TMC7: variants seen among roughly 807,000 people sequenced by gnomAD.
TMC7 encodes transmembrane channel like 7.
In TMC7, 54 loss-of-function variants were observed where a neutral mutation model predicts 82.9. The ratio of observed to expected loss-of-function variants is 0.65; its 90% confidence interval spans 0.52 to 0.82. The LOEUF (loss-of-function observed/expected upper bound fraction) is 0.82. TMC7 is among the 40% of genes least tolerant of loss of function. The pLI, the probability that TMC7 is intolerant of heterozygous loss-of-function variation, is 0.00. For synonymous variants in TMC7, 350 were observed against 337.9 expected, an observed-to-expected ratio of 1.04 and a Z score of -0.39; for missense variants, 820 against 901.2, an observed-to-expected ratio of 0.91 and a Z score of 1.15.
intron 6 of TMC7, among the ~76,000 whole-genome samples, chr16:19,035,325 G>A (rs4606701): frequency 0.024 from 3,678 of 152,244 alleles, 153 homozygotes; most frequent in African/African-American, 0.084. Flanking sequence ...TGGATACTGT[G>A]CTCAGTACCT....
At chr16:18,997,045 AG>A (rs1269496087) in intron 1 of TMC7, among the ~76,000 whole-genome samples, 4 of 152,224 alleles carry the variant, frequency 2.6e-5, no homozygotes, top group Admixed American at 1.3e-4. Context: ...AAGAGTGAAA[AG>A]ACTGCTTACC....
chr16:18,984,230 C>T, intron 1 of TMC7, 100 bp downstream of exon 1: 7 of 1,359,300 alleles, frequency 5.1e-6, no homozygotes, highest in Non-Finnish European at 5.6e-6. Flanking sequence ...GCTGTTCCCT[C>T]CCACCCCCGA....
chr16:19,038,081 C>G, intron 8 of TMC7, 34 bp downstream of exon 8: 1 of 1,584,222 alleles, frequency 6.3e-7, no homozygotes, highest in Non-Finnish European at 8.6e-7. Flanking sequence ...GGACATTATG[C>G]CTAGTGCACT....
chr16:19,047,048 A>T lies in TMC7; in HGVS notation c.1554-15A>T. 6.3e-7 allele frequency: 1 copy of T among 1,590,804 alleles called. No homozygotes were observed. Among genetic ancestry groups the T allele is most frequent in the Non-Finnish European group, 8.6e-7 (1 of 1,169,100 alleles). On this transcript the variant is annotated splice_polypyrimidine_tract_variant and intron_variant, in intron 11 of 15. Coordinates refer to ENST00000304381, the MANE Select transcript of TMC7 (RefSeq NM_024847.4). ...GCAGACACCAGTAGCCCAAATGAGAATTGTCTGTTTCCAGGCTCCTGGTGA... is the reference window on the plus strand; with the variant it reads ...GCAGACACCAGTAGCCCAAATGAGATTTGTCTGTTTCCAGGCTCCTGGTGA...
intron 3 of TMC7, among the ~76,000 whole-genome samples, chr16:19,021,371 A>G (rs1306574319): frequency 2.0e-5 from 3 of 152,240 alleles, no homozygotes; most frequent in African/African-American, 7.2e-5. Context: ...AGAGATTCAT[A>G]TAAGGAAAAG....
At chr16:19,024,158 C>A (rs1960115785) in intron 5 of TMC7, among the ~76,000 whole-genome samples, 1 of 152,166 alleles carries the variant, frequency 6.6e-6, no homozygotes, top group Non-Finnish European at 1.5e-5. Context: ...TGGCCAGGCG[C>A]AGTGGCTCAC....
intron 2 of TMC7, among the ~76,000 whole-genome samples, chr16:19,016,235 C>T (rs974099429): frequency 5.9e-5 from 9 of 151,944 alleles, no homozygotes; most frequent in Non-Finnish European, 1.0e-4. Flanking sequence ...GGATTACAGG[C>T]GCCCGCCACC....
chr16:19,013,851 C>CTT (rs35402613), intron 2 of TMC7, among the ~76,000 whole-genome samples: 46,567 of 87,008 alleles, frequency 0.54, 13,730 homozygotes, highest in East Asian at 0.79. Flanking sequence ...AGCACTCTTG[C>CTT]TTTTTTTTTT....
intron 3 of TMC7, among the ~76,000 whole-genome samples, chr16:19,017,446 CATAA>C (rs1413030623): frequency 6.7e-6 from 1 of 149,746 alleles, no homozygotes; most frequent in Non-Finnish European, 1.5e-5. Flanking sequence ...AAATATTATG[CATAA>C]ATATATTATT....
chr16:19,028,269 CA>C lies in TMC7; in HGVS notation c.712-1951del, dbSNP rs1200685931. Among the ~76,000 whole-genome samples, 4 of 152,038 alleles carry C rather than the reference CA, an allele frequency of 2.6e-5. 1 individual carries two copies. The highest frequency in any genetic ancestry group is 1.5e-5 in the Non-Finnish European group (1 of 68,010). On this transcript the variant is annotated intron_variant, in intron 5 of 15. Transcript: ENST00000304381. ...AGTCAGTCAGCCGGGCACAGTGGCT[CA>C]AAACCTGTAATCCCAGCACTTTGGG...
rs980844461 is a variant in TMC7 at position 18,984,103 on chromosome 16, C to T, written c.40C>T (p.Pro14Ser). The T allele has an allele frequency of 9.6e-5, 145 of 1,503,204 alleles. No individual in the cohort carries two copies. Among genetic ancestry groups the T allele is most frequent in the Non-Finnish European group, 1.2e-4 (139 of 1,134,086 alleles). The allele number at this position is 1,503,204 out of a possible 1,614,324, so 93.1% of individuals were successfully genotyped here. ...CGGCAGTGCGCTCCAGCCCGGCAGG[C>T]CCAGCCGGCAGCCGGCGGTCCATCC... ...SSGSALQPGR[P>S]SRQPAVHPEN... is the part of the protein sequence containing the mutation. The change falls in exon 1 of 16, where the codon CCC (proline) becomes TCC (serine). Residue 14 changes from proline to serine, a missense_variant. Pro to Ser is a moderately conservative substitution (Grantham distance 74). Transcript: ENST00000304381.
intron 2 of TMC7, among the ~76,000 whole-genome samples, chr16:19,014,206 G>C (rs113920208): frequency 1.5e-4 from 23 of 152,090 alleles, no homozygotes; most frequent in Admixed American, 5.9e-4. Context: ...ATAGTTCTCT[G>C]TTGTGGAGGG....
At chr16:19,009,489 A>G (rs892193538) in intron 2 of TMC7, 74 bp downstream of exon 2, 11 of 1,514,282 alleles carry the variant, frequency 7.3e-6, no homozygotes, top group African/African-American at 1.4e-5. Flanking sequence ...CGTGAAATGC[A>G]TTTCCTGAAG....
chr16:19,009,110 A>C, intron 1 of TMC7, 62 bp from the exon 2 acceptor site: 1 of 1,566,480 alleles, frequency 6.4e-7, no homozygotes, highest in Non-Finnish European at 8.7e-7. Flanking sequence ...CCAAGATCCA[A>C]GTTTCCTGCT....
rs1478977170 is a variant in TMC7, at chr16:19,058,012, G to GT, written c.2027+1316dup. Among the ~76,000 whole-genome samples, 5 of 151,454 alleles carry GT rather than the reference G, an allele frequency of 3.3e-5. No homozygotes were observed. In the South Asian group the frequency reaches 8.3e-4, roughly 25 times the overall value. On this transcript the variant is annotated intron_variant, in intron 14 of 15. Transcript: ENST00000304381. ...CCCAGGTGGGTCTTGAGCTTAAGTGGTCCTCCCTCCTTAGCCTCCTGAGTA... is the reference window on the plus strand; with the variant it reads ...CCCAGGTGGGTCTTGAGCTTAAGTGGTTCCTCCCTCCTTAGCCTCCTGAGTA...
chr16:19,029,541 T>C (rs1343035017), intron 5 of TMC7, among the ~76,000 whole-genome samples: 1 of 152,026 alleles, frequency 6.6e-6, no homozygotes, highest in Non-Finnish European at 1.5e-5. Context: ...AGCTAATTTT[T>C]TTAAAAAAAA....
chr16:19,046,796 A>G (rs770600774), intron 11 of TMC7, among the ~76,000 whole-genome samples: 9 of 151,656 alleles, frequency 5.9e-5, no homozygotes, highest in East Asian at 1.9e-4. Context: ...TTGCACCACT[A>G]CACTCCATAC....
In TMC7 at chr16:19,040,264, CTAATAAG is replaced by C; in HGVS notation, c.1180-23_1180-17del. ...GTGTAACTTCCTCATATACTCCTGACTAATAAGTTTTGTTATCCTCCTAGGAAATCGA... is the reference window on the plus strand; with the variant it reads ...GTGTAACTTCCTCATATACTCCTGACTTTTGTTATCCTCCTAGGAAATCGA... On this transcript the variant is annotated intron_variant, in intron 8 of 15. Transcript: ENST00000304381. The C allele has an allele frequency of 6.2e-7, 1 of 1,605,118 alleles. No homozygotes were observed. The highest frequency in any genetic ancestry group is 8.5e-7 in the Non-Finnish European group (1 of 1,175,694).
At chr16:19,058,474 G>T (rs1175920447) in intron 14 of TMC7, among the ~76,000 whole-genome samples, 2 of 152,162 alleles carry the variant, frequency 1.3e-5, no homozygotes, top group African/African-American at 4.8e-5. Flanking sequence ...TACAAATGAG[G>T]AAATGGGCTA....
Sources: allele counts gnomAD v4.1 joint callset (sites outside exome capture counted in the v4.1 genomes callset), GRCh38; gene constraint gnomAD v4.1.1; transcripts MANE v1.5; gene names NCBI Gene and HGNC (gene_info 2026-07-23, HGNC 2026-07-21).